The following LARP4B variants were observed in gnomAD, a reference collection of about 807,000 sequenced individuals.
LARP4B encodes la-related protein 4B.
A neutral mutation model predicts 89.8 loss-of-function variants in LARP4B; 12 were observed. The observed-to-expected ratio is 0.13, with a 90% CI of 0.09 to 0.22. The LOEUF (loss-of-function observed/expected upper bound fraction) is 0.22. LARP4B is among the 10% of genes least tolerant of loss of function. The pLI is 1.00. For missense variants in LARP4B, 757 were observed against 947.7 expected, an observed-to-expected ratio of 0.80 and a Z score of 2.64; for synonymous variants, 367 against 363.3, an observed-to-expected ratio of 1.01 and a Z score of -0.12.
At position 885,764 on chromosome 10, in the gene LARP4B, T is replaced by A; in HGVS notation, c.-39-4A>T. On this transcript the variant is annotated splice_polypyrimidine_tract_variant and splice_region_variant and intron_variant, in intron 1 of 17. Coordinates refer to ENST00000316157, the MANE Select transcript of LARP4B (RefSeq NM_015155.3). ...GTGTAATGCTAACCTCAGGATGCTG[T>A]AAAATGGCAAAGACATTAAACAGGT... 6.7e-7 allele frequency: 1 copy of A among 1,487,414 alleles called. No individual in the cohort carries two copies. The highest frequency in any genetic ancestry group is 9.4e-7 in the Non-Finnish European group (1 of 1,069,156). 92.1% of individuals were successfully genotyped at this position (1,487,414 alleles called of 1,614,324 possible).
chr10:887,090 TCACA>T (rs35099061), intron 1 of LARP4B, among the ~76,000 whole-genome samples: 35 of 148,768 alleles, frequency 2.4e-4, no homozygotes, highest in African/African-American at 7.9e-4. Context: ...TCCACCTCAC[TCACA>T]CACACACACA....
rs145431873 is a variant in LARP4B, at chr10:835,734, A to T, written c.750+669T>A. On this transcript the variant is annotated intron_variant, in intron 8 of 17. Coordinates refer to ENST00000316157, the MANE Select transcript of LARP4B (RefSeq NM_015155.3). ...TGGATTATGAGGTCAGGAGTTCCAG[A>T]CCAGCCTGGCCAAGATGGTGAAACC... Among the ~76,000 whole-genome samples, 835 of 152,264 alleles carry T rather than the reference A, an allele frequency of 5.5e-3. 6 individuals carry two copies. The highest frequency in any genetic ancestry group is 0.019 in the African/African-American group (785 of 41,550).
chr10:830,044 G>T (rs1475951593), intron 9 of LARP4B, among the ~76,000 whole-genome samples: 1 of 152,158 alleles, frequency 6.6e-6, no homozygotes, highest in Non-Finnish European at 1.5e-5. Context: ...GATGAATACT[G>T]AGTTCCTAGT....
Position 829,722 on chromosome 10 carries a change from G to C in LARP4B, c.874C>G (p.Leu292Val). The C allele has an allele frequency of 6.2e-7, 1 of 1,612,096 alleles. No individual in the cohort carries two copies. The highest frequency in any genetic ancestry group is 8.5e-7 in the Non-Finnish European group (1 of 1,178,652). ...TGAAAAGTTTTGACTTCTTCTCGAAGGTATTTGTAAGCCTAAGGGCAAAAT... is the reference window on the plus strand; with the variant it reads ...TGAAAAGTTTTGACTTCTTCTCGAACGTATTTGTAAGCCTAAGGGCAAAAT... ...EADAQQAYKYLREEVKTFQGK... is the reference protein window; with the variant it reads ...EADAQQAYKYVREEVKTFQGK... The change falls in exon 10 of 18, where the codon CTT becomes GTT. Residue 292 changes from leucine to valine, a missense_variant. Transcript: ENST00000316157.
chr10:842,232 T>C (rs2131727622), intron 7 of LARP4B, among the ~76,000 whole-genome samples: 1 of 152,020 alleles, frequency 6.6e-6, no homozygotes, highest in African/African-American at 2.4e-5. Context: ...GGAGTCTATC[T>C]CTGTCGCCAG....
chr10:985,538 T>C, the LARP4B span: 2 of 152,246 alleles, frequency 1.3e-5, no homozygotes, highest in African/African-American at 4.8e-5. Context: ...CTTAACTCAC[T>C]GTGTAATTCT....
chr10:959,393 A>ATCAATCCACCTCCCCG, the LARP4B span, among the ~76,000 whole-genome samples: 1 of 82,480 alleles, frequency 1.2e-5, no homozygotes, highest in African/African-American at 4.5e-5. Flanking sequence ...CCACCTCCTC[A>ATCAATCCACCTCCCCG]TCAATCCACC....
intron 1 of LARP4B, among the ~76,000 whole-genome samples, chr10:890,551 A>G (rs892125820): frequency 2.6e-5 from 4 of 152,194 alleles, no homozygotes; most frequent in Middle Eastern, 3.2e-3. Context: ...CGGGACTCAA[A>G]AAGATCTTGA....
chr10:831,326 T>G (rs1391304675), intron 8 of LARP4B, among the ~76,000 whole-genome samples: 2 of 151,754 alleles, frequency 1.3e-5, no homozygotes, highest in Non-Finnish European at 2.9e-5. Flanking sequence ...AAAATTTGCT[T>G]GGACTTTTGC....
intron 11 of LARP4B, among the ~76,000 whole-genome samples, chr10:828,222 CA>C (rs1832726384): frequency 6.6e-6 from 1 of 152,192 alleles, no homozygotes; most frequent in Non-Finnish European, 1.5e-5. Context: ...CGCTTCAGCT[CA>C]GACACCCATG....
chr10:976,054 T>C, the LARP4B span, among the ~76,000 whole-genome samples: 3 of 111,072 alleles, frequency 2.7e-5, no homozygotes, highest in Admixed American at 1.9e-4. Context: ...CCCGGCCTAG[T>C]AGAATGTAAG....
intron 1 of LARP4B, among the ~76,000 whole-genome samples, chr10:905,682 G>A (rs575609956): frequency 6.6e-6 from 1 of 150,642 alleles, no homozygotes; most frequent in Non-Finnish European, 1.5e-5. Context: ...AGGAGCAAGG[G>A]AGGAGCTGAG....
intron 1 of LARP4B, among the ~76,000 whole-genome samples, chr10:914,134 G>A: frequency 6.6e-6 from 1 of 151,968 alleles, no homozygotes; most frequent in South Asian, 2.1e-4. Flanking sequence ...CAAAAATTGA[G>A]GAAATATTCA....
At chr10:825,722 T>C (rs147198145) in intron 12 of LARP4B, 42 bp downstream of exon 12, 540 of 1,324,718 alleles carry the variant, frequency 4.1e-4, no homozygotes, top group Non-Finnish European at 5.4e-4. Context: ...GGAAGGGCAG[T>C]AGCGTAAAGA....
At chr10:963,719 T>C in the LARP4B span, among the ~76,000 whole-genome samples, 1 of 152,190 alleles carries the variant, frequency 6.6e-6, no homozygotes, top group Non-Finnish European at 1.5e-5. Flanking sequence ...TCAATGTTTA[T>C]TTGGCTCATG....
the LARP4B span, among the ~76,000 whole-genome samples, chr10:982,074 A>G: frequency 1.4e-5 from 2 of 145,748 alleles, no homozygotes; most frequent in Non-Finnish European, 3.0e-5. Flanking sequence ...TTGATCTGCT[A>G]CTTCTTCAAC....
chr10:963,761 G>C, the LARP4B span, among the ~76,000 whole-genome samples: 3 of 152,154 alleles, frequency 2.0e-5, no homozygotes, highest in African/African-American at 7.2e-5. Context: ...AAGATCGAGG[G>C]TCCTTCTTGA....
chr10:814,627 A>G lies in LARP4B; in HGVS notation c.1929+115T>C. On this transcript the variant is annotated intron_variant, in intron 17 of 17. Transcript: ENST00000316157. This position sits in a 1 kb window ranked among gnomAD's most constrained non-coding sequence, Gnocchi z 4.4. The stretch of plus-strand genomic sequence containing the variant: ...AAACACAACACAGACAGACGCAAAT[A>G]AAAACCCACCAAATTAGATGTGATT... The G allele has an allele frequency of 6.5e-7, 1 of 1,549,604 alleles. No individual in the cohort carries two copies. Among genetic ancestry groups the G allele is most frequent in the Non-Finnish European group, 8.7e-7 (1 of 1,146,224 alleles).
Position 815,036 on chromosome 10 carries a change from G to C in LARP4B, c.1730C>G (p.Pro577Arg). ...LSADASVNTLPVVVSREPSVP... is the reference protein window; with the variant it reads ...LSADASVNTLRVVVSREPSVP... ...CGAGGGCTCTCTGGAGACCACTACAGGAAGGGTGTTCACGCTTGCGTCTGC... is the reference window on the plus strand; with the variant it reads ...CGAGGGCTCTCTGGAGACCACTACACGAAGGGTGTTCACGCTTGCGTCTGC... Residue 577 changes from proline (P) to arginine (R), a missense_variant, in exon 16 of 18, where the codon CCT becomes CGT. By Grantham distance (103) the Pro-to-Arg change is moderately radical (BLOSUM62 -2). This residue lies in a region of LARP4B where 387 missense variants were observed against 423.6 expected (regional missense o/e 0.91). Coordinates refer to ENST00000316157, the MANE Select transcript of LARP4B (RefSeq NM_015155.3). The C allele has an allele frequency of 6.2e-7, 1 of 1,604,204 alleles. No homozygotes were observed. The highest frequency in any genetic ancestry group is 1.1e-5 in the South Asian group (1 of 90,104).
Sources: allele counts gnomAD v4.1 joint callset (sites outside exome capture counted in the v4.1 genomes callset), GRCh38; gene constraint gnomAD v4.1.1; regional missense constraint gnomAD v4.1.1; non-coding constraint Gnocchi (gnomAD v3.1); transcripts MANE v1.5; gene names NCBI Gene and HGNC (gene_info 2026-07-23, HGNC 2026-07-21).